FAM227A: variants seen among roughly 807,000 people sequenced by gnomAD.
FAM227A encodes the protein protein FAM227A.
Under a neutral mutation model 74.7 loss-of-function variants are expected in FAM227A, and 80 were observed. The ratio of observed to expected loss-of-function variants is 1.07; its 90% CI spans 0.89 to 1.29. FAM227A has a LOEUF of 1.29. FAM227A is among the 50% of genes most tolerant of loss of function. The probability of loss-of-function intolerance (pLI) is 0.00; values close to 1 mark genes in which losing one functional copy is unlikely to be tolerated. For synonymous variants in FAM227A, 237 were observed against 241.8 expected (o/e 0.98, Z 0.19); for missense variants, 654 against 683.4 (o/e 0.96, Z 0.48).
chr22:38,636,492 C>G lies in FAM227A; in HGVS notation c.478G>C (p.Gly160Arg), dbSNP rs750555658. The G allele has an allele frequency of 6.4e-7, 1 of 1,551,454 alleles. No homozygotes were observed. The highest frequency in any genetic ancestry group is 8.7e-7 in the Non-Finnish European group (1 of 1,146,928). Residue 160 changes from glycine (G) to arginine (R), a missense_variant, in exon 6 of 17, where the codon GGC (glycine) becomes CGC (arginine). Transcript: ENST00000535113. ...TCTCTCTCAGCCCGGACCACGTTGC[C>G]CACCATGTCACAGAAGTCCACGCCA... ...PNGVDFCDMV[G>R]NVVRAERDCL...
At chr22:38,586,503 T>A (rs1730561784) in intron 16 of FAM227A, among the ~76,000 whole-genome samples, 1 of 152,124 alleles carries the variant, frequency 6.6e-6, no homozygotes, top group African/African-American at 2.4e-5. Flanking sequence ...GGAGGTGACA[T>A]CCCTCTGGTG....
At chr22:38,613,298 T>TATAATATATATC (rs1196291636) in intron 11 of FAM227A, among the ~76,000 whole-genome samples, 1 of 77,810 alleles carries the variant, frequency 1.3e-5, no homozygotes, top group South Asian at 3.1e-4. Context: ...ATATATATCA[T>TATAATATATATC]ATATAATATA....
chr22:38,651,457 A>T (rs2092320744), intron 1 of FAM227A, among the ~76,000 whole-genome samples: 1 of 152,072 alleles, frequency 6.6e-6, no homozygotes, highest in Non-Finnish European at 1.5e-5. Flanking sequence ...CACTCACTGC[A>T]GCCTTGACAT....
intron 3 of FAM227A, among the ~76,000 whole-genome samples, chr22:38,641,985 G>A (rs1388900917): frequency 1.4e-5 from 2 of 144,096 alleles, no homozygotes; most frequent in African/African-American, 2.9e-5. Flanking sequence ...GCGCACGTGT[G>A]TGTGCGCGTG....
chr22:38,636,979 T>C (rs2092021423), intron 5 of FAM227A, among the ~76,000 whole-genome samples: 1 of 152,074 alleles, frequency 6.6e-6, no homozygotes, highest in African/African-American at 2.4e-5. Flanking sequence ...TACTAAAAAC[T>C]GTTGGCCAGG....
Position 38,626,347 on chromosome 22 carries a change from C to T in FAM227A, c.727-44G>A, listed in dbSNP as rs775939712. 3.3e-6 allele frequency: 5 copies of T among 1,530,752 alleles called. No individual in the cohort carries two copies. In the South Asian group the frequency reaches 3.7e-5, roughly 11 times the overall value. The allele number at this position is 1,530,752 out of a possible 1,614,324, so 94.8% of individuals were successfully genotyped here. Reference sequence around the variant, plus strand: ...TCAGGCAACGTTCTCAACATTTCCACCCGGCTTACATGATTTGGGGATGAG... The same window carrying T: ...TCAGGCAACGTTCTCAACATTTCCATCCGGCTTACATGATTTGGGGATGAG... On this transcript the variant is annotated intron_variant, in intron 8 of 16. Coordinates refer to ENST00000535113, the MANE Select transcript of FAM227A (RefSeq NM_001013647.2).
At chr22:38,629,093 C>T in intron 6 of FAM227A, 158 bp from the exon 7 acceptor site, 1 of 556,924 alleles carries the variant, frequency 1.8e-6, no homozygotes, top group Non-Finnish European at 3.1e-6. Flanking sequence ...CTATAATAGT[C>T]TTATGAGGAA....
At chr22:38,647,132 G>A (rs73415446) in intron 2 of FAM227A, among the ~76,000 whole-genome samples, 6,696 of 148,028 alleles carry the variant, frequency 0.045, 245 homozygotes, top group East Asian at 0.11. Flanking sequence ...CCGTGCGATG[G>A]TGCGAGACTC....
chr22:38,644,709 A>G (rs565248471), intron 3 of FAM227A, among the ~76,000 whole-genome samples: 17 of 152,296 alleles, frequency 1.1e-4, no homozygotes, highest in African/African-American at 4.1e-4. Context: ...ACAGTGGGGG[A>G]GATTGTGCAT....
At chr22:38,642,609 T>G (rs1181286721) in intron 3 of FAM227A, among the ~76,000 whole-genome samples, 1 of 152,204 alleles carries the variant, frequency 6.6e-6, no homozygotes, top group African/African-American at 2.4e-5. Flanking sequence ...AGAAAATATT[T>G]GCAAGAAAAT....
chr22:38,629,029 C>G (rs1379546373), intron 6 of FAM227A, 94 bp from the exon 7 acceptor site: 1 of 760,962 alleles, frequency 1.3e-6, no homozygotes, highest in Non-Finnish European at 2.1e-6. Flanking sequence ...GAAAAACCAC[C>G]TAATCTGTTA....
At position 38,582,964 on chromosome 22, in the gene FAM227A, A is replaced by G. The variant is rs1158287036; in HGVS notation, c.*3161T>C. On this transcript the variant is annotated 3_prime_UTR_variant, in exon 17 of 17. Transcript: ENST00000535113. ...GTGATGTTGGCAGTTAACAAAGAGG[A>G]GGGAGGAGAAGGCATTTTCAGGTCC... 7.7e-6 allele frequency: 12 copies of G among 1,549,788 alleles called. No individual in the cohort carries two copies. Among genetic ancestry groups the G allele is most frequent in the Non-Finnish European group, 1.0e-5 (12 of 1,146,672 alleles).
intron 6 of FAM227A, among the ~76,000 whole-genome samples, chr22:38,629,644 A>G (rs1034529388): frequency 1.3e-5 from 2 of 152,318 alleles, no homozygotes; most frequent in Non-Finnish European, 2.9e-5. Context: ...GCCTGGGCCC[A>G]GACTCACACA....
chr22:38,595,873 G>A (rs2091031941), intron 15 of FAM227A, among the ~76,000 whole-genome samples: 1 of 151,328 alleles, frequency 6.6e-6, no homozygotes, highest in Admixed American at 6.6e-5. Flanking sequence ...AGGCTATATT[G>A]GAACAAATTC....
At chr22:38,626,777 G>C (rs1486963605) in intron 8 of FAM227A, among the ~76,000 whole-genome samples, 1 of 146,156 alleles carries the variant, frequency 6.8e-6, no homozygotes, top group African/African-American at 2.6e-5. Flanking sequence ...GGGAGGCTGA[G>C]GCAGGAGAAG....
intron 3 of FAM227A, among the ~76,000 whole-genome samples, chr22:38,640,329 A>G (rs2092088725): frequency 6.6e-6 from 1 of 152,060 alleles, no homozygotes; most frequent in African/African-American, 2.4e-5. Flanking sequence ...CACCACGTCC[A>G]GCCTCTTCTA....
At chr22:38,626,865 CAAAAAAAAAAAAAA>C in intron 8 of FAM227A, among the ~76,000 whole-genome samples, 1 of 16,800 alleles carries the variant, frequency 6.0e-5, no homozygotes, top group South Asian at 3.6e-3. Context: ...GACTCTGTCT[CAAAAAAAAAAAAAA>C]AAAAAAAAAA....
chr22:38,600,893 A>C (rs1443505920), intron 13 of FAM227A, among the ~76,000 whole-genome samples: 5 of 151,350 alleles, frequency 3.3e-5, no homozygotes, highest in Non-Finnish European at 7.4e-5. Flanking sequence ...CGGAGGTTGC[A>C]GTGAGCCGAG....
intron 11 of FAM227A, among the ~76,000 whole-genome samples, chr22:38,614,313 A>C (rs2091530784): frequency 6.6e-6 from 1 of 152,146 alleles, no homozygotes. Context: ...TATCTTTAAA[A>C]ATATTTATTA....
Sources: gnomAD v4.1 joint callset for allele counts (sites outside exome capture counted in the v4.1 genomes callset) on GRCh38, gnomAD v4.1.1 for gene constraint, MANE v1.5 for transcripts, NCBI Gene and HGNC (gene_info 2026-07-23, HGNC 2026-07-21) for gene names.